Variants in FBXO24 observed in about 807,000 individuals in gnomAD.
FBXO24 encodes the protein F-box protein 24.
Under a neutral mutation model 63.5 loss-of-function variants are expected in FBXO24, and 30 were observed. The ratio of observed to expected loss-of-function variants is 0.47; its 90% CI spans 0.35 to 0.64. The LOEUF (loss-of-function observed/expected upper bound fraction) is 0.64. FBXO24 is among the 30% of genes least tolerant of loss of function. The probability of loss-of-function intolerance (pLI) is 0.00; values close to 1 mark genes in which losing one functional copy is unlikely to be tolerated. For synonymous variants in FBXO24, 300 were observed against 305.0 expected (o/e 0.98, Z 0.17); for missense variants, 624 against 763.4 (o/e 0.82, Z 2.15).
chr7:100,598,981 C>CAA (rs879358080), intron 8 of FBXO24, among the ~76,000 whole-genome samples: 3 of 79,536 alleles, frequency 3.8e-5, no homozygotes, highest in Admixed American at 1.4e-4. Context: ...TCCGTCTCTA[C>CAA]AAAAAAAAAA....
chr7:100,591,020 CTTTT>C (rs972985812), intron 3 of FBXO24, among the ~76,000 whole-genome samples: 1 of 141,240 alleles, frequency 7.1e-6, no homozygotes, highest in African/African-American at 2.6e-5. Context: ...TCTTTTCTTT[CTTTT>C]TCTTTGATTT....
chr7:100,589,545 T>C lies in FBXO24; in HGVS notation c.40-432T>C, dbSNP rs1251502220. ...GGAACAGGTCACAGTGGCCAAACAG[T>C]GAGGTCACAGAGAGGTTTGTTAGCC... On this transcript the variant is annotated intron_variant, in intron 1 of 9. Coordinates refer to ENST00000241071, the MANE Select transcript of FBXO24 (RefSeq NM_033506.3). 2.9e-6 allele frequency: 4 copies of C among 1,397,194 alleles called. No individual in the cohort carries two copies. In the African/African-American group the frequency reaches 5.8e-5, roughly 20 times the overall value. 86.5% of individuals were successfully genotyped at this position (1,397,194 alleles called of 1,614,324 possible). A position where few individuals can be genotyped will look rare whatever the true frequency, so the allele number is the denominator to read the frequency against.
At chr7:100,597,944 T>C (rs1049559680) in intron 8 of FBXO24, among the ~76,000 whole-genome samples, 3 of 151,136 alleles carry the variant, frequency 2.0e-5, no homozygotes, top group African/African-American at 7.3e-5. Flanking sequence ...AAGCTTATAT[T>C]GAACTCATGG....
intron 8 of FBXO24, among the ~76,000 whole-genome samples, chr7:100,599,366 G>A (rs1802471837): frequency 6.6e-6 from 1 of 152,102 alleles, no homozygotes; most frequent in Admixed American, 6.6e-5. Flanking sequence ...CTGAGGTCAG[G>A]AGTTCGAGAC....
intron 3 of FBXO24, 45 bp from the exon 4 acceptor site, chr7:100,591,622 G>A (rs376048381): frequency 2.4e-5 from 38 of 1,575,388 alleles, no homozygotes; most frequent in African/African-American, 1.8e-4. Flanking sequence ...CATCTCCCTC[G>A]TGTCATCTCA....
chr7:100,592,284 C>T (rs1488100657), intron 4 of FBXO24: 6 of 248,912 alleles, frequency 2.4e-5, no homozygotes, highest in Non-Finnish European at 4.0e-5. Context: ...TACCTGAGAC[C>T]GGGTAATTTA....
chr7:100,586,919 CG>C (rs964601827), intron 1 of FBXO24, among the ~76,000 whole-genome samples: 4 of 73,946 alleles, frequency 5.4e-5, no homozygotes, highest in Admixed American at 1.6e-4. Context: ...TGGGGGCGGG[CG>C]GGGGGCTTCC....
At chr7:100,587,740 C>T (rs1369138939) in intron 1 of FBXO24, among the ~76,000 whole-genome samples, 1 of 151,660 alleles carries the variant, frequency 6.6e-6, no homozygotes, top group Non-Finnish European at 1.5e-5. Context: ...GCTGGGACCA[C>T]GGGCGGCACC....
rs527596529 is a variant in FBXO24 at position 100,586,467 on chromosome 7, G to C, written c.-159G>C. On this transcript the variant is annotated 5_prime_UTR_variant, in exon 1 of 10. Transcript: ENST00000241071. ...ACCGGCACTCCACTAGCAGGAAAAC[G>C]GGCCGAGGGACCGCAAGCAGGGGGT... The C allele has an allele frequency of 8.0e-6, 6 of 752,220 alleles. No homozygotes were observed. The highest frequency in any genetic ancestry group is 4.6e-5 in the Admixed American group (2 of 43,392). The allele number at this position is 752,220 out of a possible 1,614,324, so 46.6% of individuals were successfully genotyped here. A position where few individuals can be genotyped will look rare whatever the true frequency, so the allele number is the denominator to read the frequency against.
chr7:100,586,499 T>G lies in FBXO24; in HGVS notation c.-127T>G. On this transcript the variant is annotated 5_prime_UTR_variant, in exon 1 of 10. Coordinates refer to ENST00000241071, the MANE Select transcript of FBXO24 (RefSeq NM_033506.3). ...GGGACCGCAAGCAGGGGGTGCCTAG[T>G]CCTCGTCCCCCAAAGACCAATCGTA... 1 of 986,110 alleles carries G rather than the reference T, an allele frequency of 1.0e-6. No homozygotes were observed. The highest frequency in any genetic ancestry group is 1.6e-6 in the Non-Finnish European group (1 of 630,696). 61.1% of individuals were successfully genotyped at this position (986,110 alleles called of 1,614,324 possible). A position where few individuals can be genotyped will look rare whatever the true frequency, so the allele number is the denominator to read the frequency against.
At chr7:100,592,645 C>G (rs1802087097) in intron 4 of FBXO24, 138 bp from the exon 5 acceptor site, 7 of 675,274 alleles carry the variant, frequency 1.0e-5, no homozygotes, top group African/African-American at 1.8e-5. Context: ...TCTGCCCTCC[C>G]ACATAGGAAC....
At chr7:100,590,968 C>G (rs992298639) in intron 3 of FBXO24, among the ~76,000 whole-genome samples, 1 of 151,902 alleles carries the variant, frequency 6.6e-6, no homozygotes, top group African/African-American at 2.4e-5. Context: ...GGATGACCGG[C>G]CTTCATCAAT....
rs777417521 is a variant in FBXO24 at position 100,591,704 on chromosome 7, C to G, written c.360C>G (p.Arg120=). The G allele has an allele frequency of 1.1e-5, 18 of 1,614,112 alleles. No homozygotes were observed. The highest frequency in any genetic ancestry group is 1.0e-4 in the Admixed American group (6 of 60,002). ...TGTATTTCCAGGCATTTGGAGGCCG[C>G]CGCCGATGTCTCAGCAAGAGCGTGG... The part of the protein sequence containing the change: ...KGLYFQAFGG[R]RRCLSKSVAP... Residue 120 remains arginine, a synonymous_variant, in exon 4 of 10, where the codon CGC becomes CGG. Coordinates refer to ENST00000241071, the MANE Select transcript of FBXO24 (RefSeq NM_033506.3).
At chr7:100,598,794 T>G (rs900483059) in intron 8 of FBXO24, among the ~76,000 whole-genome samples, 2 of 151,528 alleles carry the variant, frequency 1.3e-5, no homozygotes. Context: ...CTGGGCAACA[T>G]GGTGAAACCC....
At position 100,595,692 on chromosome 7, in the gene FBXO24, G is replaced by A. The variant is rs745771512; in HGVS notation, c.1192G>A (p.Gly398Arg). 1.2e-6 allele frequency: 2 copies of A among 1,608,194 alleles called. No homozygotes were observed. Among genetic ancestry groups the A allele is most frequent in the Admixed American group, 1.7e-5 (1 of 59,026 alleles). The change falls in exon 8 of 10, where the codon GGG becomes AGG. Residue 398 changes from glycine to arginine, a missense_variant. Gly to Arg is a moderately radical substitution (Grantham distance 125). This residue lies in a region of FBXO24 where 216 missense variants were observed against 245.2 expected (regional missense o/e 0.88). Coordinates refer to ENST00000241071, the MANE Select transcript of FBXO24 (RefSeq NM_033506.3). ...QLGTGDKMDR[G>R]EPTQVCYLQR... The stretch of plus-strand genomic sequence containing the variant: ...AGGAACAGGGGACAAAATGGACCGA[G>A]GGGAACCCACACAGGTGAGACTATT...
Position 100,592,805 on chromosome 7 carries a change from A to C in FBXO24, c.581A>C (p.Asp194Ala), listed in dbSNP as rs746052862. ...CAGTTTGCCTCGGACCCAAGGTGTG[A>C]CACAGTTTACCGTAAATACCTCTAC... The part of the protein sequence containing the change: ...AKDFASDPRC[D>A]TVYRKYLYVL... Residue 194 changes from aspartate (D) to alanine (A), a missense_variant, in exon 5 of 10, where the codon GAC becomes GCC. Coordinates refer to ENST00000241071, the MANE Select transcript of FBXO24 (RefSeq NM_033506.3). 3 of 1,614,048 alleles carry C rather than the reference A, an allele frequency of 1.9e-6. No homozygotes were observed. Among genetic ancestry groups the C allele is most frequent in the South Asian group, 2.2e-5 (2 of 91,060 alleles).
chr7:100,592,765 C>T lies in FBXO24; in HGVS notation c.559-18C>T, dbSNP rs1385334448. The stretch of plus-strand genomic sequence containing the variant: ...TTTTGAAACTCTAGATCCCAGACGC[C>T]CTCATCTTTTCCCCCAGTTTGCCTC... On this transcript the variant is annotated intron_variant, in intron 4 of 9. Transcript: ENST00000241071. The T allele has an allele frequency of 6.2e-6, 10 of 1,605,700 alleles. No individual in the cohort carries two copies. Among genetic ancestry groups the T allele is most frequent in the Non-Finnish European group, 8.5e-6 (10 of 1,173,580 alleles).
chr7:100,591,691 C>T lies in FBXO24; in HGVS notation c.347C>T (p.Ala116Val). The change falls in exon 4 of 10, where the codon GCA (alanine) becomes GTA (valine). Residue 116 changes from alanine (A) to valine (V), a missense_variant. By Grantham distance (64) the Ala-to-Val change is moderately conservative. Around this residue, in one of 3 missense-constraint regions of FBXO24, gnomAD observed 391 missense variants for 469.1 expected, o/e 0.83. Transcript: ENST00000241071. ...GACACGAAGGGCCTGTATTTCCAGG[C>T]ATTTGGAGGCCGCCGCCGATGTCTC... ...LNYTKGLYFQ[A>V]FGGRRRCLSK... The T allele has an allele frequency of 6.2e-7, 1 of 1,614,208 alleles. No individual in the cohort carries two copies. The highest frequency in any genetic ancestry group is 8.5e-7 in the Non-Finnish European group (1 of 1,180,038).
At chr7:100,586,988 C>G (rs1221426624) in intron 1 of FBXO24, among the ~76,000 whole-genome samples, 1 of 152,218 alleles carries the variant, frequency 6.6e-6, no homozygotes, top group African/African-American at 2.4e-5. Flanking sequence ...GTTGCACGGT[C>G]TGCCGTCTCA....
Sources: gnomAD v4.1 joint callset for allele counts (sites outside exome capture counted in the v4.1 genomes callset) on GRCh38, gnomAD v4.1.1 for gene constraint, gnomAD v4.1.1 regional missense constraint, MANE v1.5 for transcripts, NCBI Gene and HGNC (gene_info 2026-07-23, HGNC 2026-07-21) for gene names.